The following ENTREP2 variants were observed in gnomAD, a reference collection of about 807,000 sequenced individuals.
ENTREP2 encodes the protein protein ENTREP2.
the ENTREP2 span, among the ~76,000 whole-genome samples, chr15:29,502,916 C>T: frequency 6.6e-6 from 1 of 151,636 alleles, no homozygotes; most frequent in Non-Finnish European, 1.5e-5. Context: ...AATTTCATAC[C>T]CACTAGGATG....
the ENTREP2 span, among the ~76,000 whole-genome samples, chr15:29,262,755 A>G: frequency 6.6e-6 from 1 of 152,350 alleles, no homozygotes; most frequent in African/African-American, 2.4e-5. Flanking sequence ...CAGAACCCCA[A>G]CTTGAAGACC....
chr15:29,485,361 C>T, the ENTREP2 span, among the ~76,000 whole-genome samples: 14 of 152,058 alleles, frequency 9.2e-5, no homozygotes, highest in South Asian at 8.3e-4. Context: ...CCCTGGTTCC[C>T]GAGGGTGCAG....
chr15:29,263,983 G>A, the ENTREP2 span, among the ~76,000 whole-genome samples: 1 of 151,782 alleles, frequency 6.6e-6, no homozygotes, highest in South Asian at 2.1e-4. Flanking sequence ...TGAAATCCCC[G>A]TCTCTACTAA....
At chr15:29,435,417 G>A in the ENTREP2 span, among the ~76,000 whole-genome samples, 2 of 152,098 alleles carry the variant, frequency 1.3e-5, no homozygotes, top group African/African-American at 4.8e-5. Context: ...GAGCAGTGGG[G>A]ACCATGTTTG....
chr15:29,234,485 AT>A, the ENTREP2 span: 1 of 1,451,674 alleles, frequency 6.9e-7, no homozygotes, highest in Non-Finnish European at 9.7e-7. Context: ...CCTATCATAT[AT>A]TTGTACTGAG....
the ENTREP2 span, chr15:29,196,423 G>T: frequency 1.3e-6 from 2 of 1,549,814 alleles, no homozygotes; most frequent in African/African-American, 2.7e-5. Context: ...GCGCCCAGCG[G>T]GGTCACCTTC....
At chr15:29,622,004 C>T in the ENTREP2 span, among the ~76,000 whole-genome samples, 65 of 152,162 alleles carry the variant, frequency 4.3e-4, 1 homozygote, top group African/African-American at 1.5e-3. Context: ...TATGAGGTGC[C>T]TAGACTCATC....
chr15:29,563,568 G>A, the ENTREP2 span, among the ~76,000 whole-genome samples: 4 of 152,054 alleles, frequency 2.6e-5, no homozygotes, highest in Admixed American at 2.0e-4. Flanking sequence ...GCAGTGGCTC[G>A]TGCCTATAAT....
chr15:29,435,063 T>G, the ENTREP2 span, among the ~76,000 whole-genome samples: 1 of 152,116 alleles, frequency 6.6e-6, no homozygotes. Flanking sequence ...ACACCTGTTT[T>G]CCTTTCCTCC....
the ENTREP2 span, among the ~76,000 whole-genome samples, chr15:29,511,047 G>T: frequency 2.0e-5 from 3 of 152,020 alleles, no homozygotes; most frequent in Non-Finnish European, 2.9e-5. Flanking sequence ...TCGGTGCGGT[G>T]GGGGGCAAGG....
chr15:29,561,772 T>C, the ENTREP2 span, among the ~76,000 whole-genome samples: 6 of 150,746 alleles, frequency 4.0e-5, no homozygotes, highest in African/African-American at 1.2e-4. Context: ...TTGGCAATCA[T>C]CGTAGAGGAG....
chr15:29,667,522 G>A, the ENTREP2 span, among the ~76,000 whole-genome samples: 1 of 111,108 alleles, frequency 9.0e-6, no homozygotes, highest in Non-Finnish European at 1.7e-5. Flanking sequence ...ATAGAGTTTC[G>A]TTCTTGTCAC....
At chr15:29,502,499 A>G in the ENTREP2 span, among the ~76,000 whole-genome samples, 6 of 152,106 alleles carry the variant, frequency 3.9e-5, no homozygotes, top group East Asian at 1.2e-3. Context: ...AAAAAAAAGC[A>G]TAGATATAAA....
the ENTREP2 span, among the ~76,000 whole-genome samples, chr15:29,657,482 G>C: frequency 8.9e-6 from 1 of 112,262 alleles, no homozygotes; most frequent in African/African-American, 3.4e-5. Flanking sequence ...GGCTGGGGGG[G>C]CGGGGGGGGG....
chr15:29,163,016 G>A, the ENTREP2 span, among the ~76,000 whole-genome samples: 6 of 152,138 alleles, frequency 3.9e-5, no homozygotes, highest in East Asian at 1.9e-4. Flanking sequence ...GAACCAGCCC[G>A]GAGCTGGGCA....
chr15:29,418,471 T>C, the ENTREP2 span, among the ~76,000 whole-genome samples: 1 of 152,122 alleles, frequency 6.6e-6, no homozygotes, highest in African/African-American at 2.4e-5. Flanking sequence ...TTAGAATTTG[T>C]GTTGGCATGC....
At chr15:29,459,076 C>A in the ENTREP2 span, among the ~76,000 whole-genome samples, 7 of 152,196 alleles carry the variant, frequency 4.6e-5, no homozygotes, top group Non-Finnish European at 5.9e-5. Flanking sequence ...GATTGTTCTG[C>A]ACCCACTGAC....
the ENTREP2 span, among the ~76,000 whole-genome samples, chr15:29,454,091 C>T: frequency 6.6e-6 from 1 of 152,170 alleles, no homozygotes; most frequent in Non-Finnish European, 1.5e-5. Context: ...TGAGAGTATT[C>T]ATCCTCCAGC....
At chr15:29,418,903 T>C in the ENTREP2 span, among the ~76,000 whole-genome samples, 1 of 152,208 alleles carries the variant, frequency 6.6e-6, no homozygotes, top group African/African-American at 2.4e-5. Context: ...TCCAAGCACA[T>C]GGTTGGGTTT....
Sources: gnomAD v4.1 joint callset for allele counts (sites outside exome capture counted in the v4.1 genomes callset) on GRCh38, gnomAD v4.1.1 for gene constraint, MANE v1.5 for transcripts, NCBI Gene and HGNC (gene_info 2026-07-23, HGNC 2026-07-21) for gene names.